FHIT: variants seen among roughly 807,000 people sequenced by gnomAD.
FHIT encodes fragile histidine triad diadenosine triphosphatase.
FHIT carries 19 observed loss-of-function variants against 17.9 expected under a neutral mutation model. The observed-to-expected ratio is 1.06, with a 90% CI of 0.74 to 1.56. FHIT has a LOEUF of 1.56. Ranked by LOEUF, FHIT falls within the 40% of genes most tolerant of loss-of-function variation. The probability of loss-of-function intolerance (pLI) is 0.00; values close to 1 mark genes in which losing one functional copy is unlikely to be tolerated. For missense variants in FHIT, 248 were observed against 189.2 expected, an observed-to-expected ratio of 1.31 and a Z score of -1.82; for synonymous variants, 81 against 69.7, an observed-to-expected ratio of 1.16 and a Z score of -0.81.
chr3:60,638,878 G>T (rs539826653), intron 4 of FHIT, among the ~76,000 whole-genome samples: 31 of 151,558 alleles, frequency 2.0e-4, no homozygotes, highest in African/African-American at 7.3e-4. Context: ...AAAATGGTGT[G>T]TTGGGGGTGG....
intron 3 of FHIT, among the ~76,000 whole-genome samples, chr3:60,928,624 G>C (rs1553770734): frequency 6.6e-6 from 1 of 151,212 alleles, no homozygotes; most frequent in Non-Finnish European, 1.5e-5. Flanking sequence ...AGAAGAAATG[G>C]ATAAATTCCT....
At chr3:60,749,184 G>T (rs1476635738) in intron 4 of FHIT, among the ~76,000 whole-genome samples, 2 of 152,160 alleles carry the variant, frequency 1.3e-5, no homozygotes, top group African/African-American at 4.8e-5. Context: ...CCCCCAGAGA[G>T]GATATTTATG....
chr3:60,762,078 C>A (rs1187933946), intron 4 of FHIT, among the ~76,000 whole-genome samples: 1 of 152,146 alleles, frequency 6.6e-6, no homozygotes, highest in Non-Finnish European at 1.5e-5. Context: ...GGATAGACAC[C>A]TCCATGTGTG....
intron 3 of FHIT, among the ~76,000 whole-genome samples, chr3:60,899,032 T>C (rs1291373216): frequency 6.6e-6 from 1 of 152,242 alleles, no homozygotes; most frequent in Non-Finnish European, 1.5e-5. Context: ...ATGCATTTTT[T>C]TTCCAGAACC....
At chr3:60,983,134 C>T (rs1710562803) in intron 3 of FHIT, among the ~76,000 whole-genome samples, 1 of 117,920 alleles carries the variant, frequency 8.5e-6, no homozygotes, top group East Asian at 2.0e-4. Context: ...TACCTTCTCT[C>T]TTGTGTGTGT....
At chr3:60,603,981 A>G (rs2038527077) in intron 4 of FHIT, among the ~76,000 whole-genome samples, 1 of 152,170 alleles carries the variant, frequency 6.6e-6, no homozygotes, top group Admixed American at 6.6e-5. Context: ...AATAATGGTG[A>G]CGAAGAGACT....
intron 3 of FHIT, among the ~76,000 whole-genome samples, chr3:60,923,639 G>C (rs1245774960): frequency 6.6e-6 from 1 of 152,174 alleles, no homozygotes; most frequent in African/African-American, 2.4e-5. Flanking sequence ...AAGCAATGCA[G>C]AAGACGGGTG....
chr3:60,698,558 A>G (rs2041166869), intron 4 of FHIT, among the ~76,000 whole-genome samples: 1 of 152,218 alleles, frequency 6.6e-6, no homozygotes, highest in South Asian at 2.1e-4. Context: ...GGGGAGCTAA[A>G]TAGAAAAGGT....
chr3:61,156,223 G>A (rs1576119546), intron 2 of FHIT, among the ~76,000 whole-genome samples: 1 of 152,138 alleles, frequency 6.6e-6, no homozygotes, highest in Admixed American at 6.5e-5. Flanking sequence ...AATCATGGCT[G>A]CAAGTACAAC....
intron 4 of FHIT, among the ~76,000 whole-genome samples, chr3:60,813,459 T>C (rs1701633377): frequency 6.6e-6 from 1 of 152,206 alleles, no homozygotes; most frequent in South Asian, 2.1e-4. Flanking sequence ...TAATTAAATA[T>C]GAACTCCATT....
chr3:60,856,091 A>G (rs1321883776), intron 3 of FHIT, among the ~76,000 whole-genome samples: 1 of 152,274 alleles, frequency 6.6e-6, no homozygotes, highest in Non-Finnish European at 1.5e-5. Context: ...CCAACATGTT[A>G]TTTAGCAAAG....
chr3:60,732,619 C>A, intron 4 of FHIT: 1 of 523,298 alleles, frequency 1.9e-6, no homozygotes, highest in South Asian at 1.6e-5. Flanking sequence ...TGTGGAAGTA[C>A]ACGGTGGGGT....
intron 5 of FHIT, among the ~76,000 whole-genome samples, chr3:60,034,198 G>A (rs148059520): frequency 3.3e-5 from 5 of 152,342 alleles, no homozygotes; most frequent in South Asian, 2.1e-4. Flanking sequence ...GAGGGTCAAG[G>A]TGAATGGCTT....
At chr3:60,873,424 G>T (rs1236698477) in intron 3 of FHIT, among the ~76,000 whole-genome samples, 2 of 152,182 alleles carry the variant, frequency 1.3e-5, no homozygotes, top group African/African-American at 4.8e-5. Flanking sequence ...CCGTCCCAGG[G>T]AGCTGTGGAT....
intron 4 of FHIT, among the ~76,000 whole-genome samples, chr3:60,547,826 A>G (rs183121288): frequency 1.1e-4 from 17 of 152,190 alleles, no homozygotes; most frequent in Non-Finnish European, 1.5e-4. Flanking sequence ...TAGATAGGCA[A>G]CCTAACTTGT....
chr3:60,639,492 G>A lies in FHIT; in HGVS notation c.-17-102513C>T, dbSNP rs1437655418. ...CAATTTAGAAGACACTAAGGAGAAA[G>A]GGCCATCGTAAATGCCCCAAAATTT... On this transcript the variant is annotated intron_variant, in intron 4 of 9. Coordinates refer to ENST00000492590, the MANE Select transcript of FHIT (RefSeq NM_002012.4). 3.9e-5 allele frequency among the ~76,000 whole-genome samples: 6 copies of A among 152,080 alleles called. No homozygotes were observed. In the South Asian group the frequency reaches 1.2e-3, roughly 32 times the overall value.
intron 2 of FHIT, among the ~76,000 whole-genome samples, chr3:61,133,090 C>T (rs2036813035): frequency 6.6e-6 from 1 of 152,210 alleles, no homozygotes; most frequent in Non-Finnish European, 1.5e-5. Context: ...TCATCCTTTA[C>T]ATCTCAGATC....
intron 3 of FHIT, among the ~76,000 whole-genome samples, chr3:60,972,384 C>T (rs1450885607): frequency 2.6e-5 from 4 of 152,112 alleles, no homozygotes; most frequent in African/African-American, 9.7e-5. Flanking sequence ...GCACTTTAAC[C>T]ATGGCATCCC....
intron 3 of FHIT, among the ~76,000 whole-genome samples, chr3:60,970,644 T>C (rs1709966547): frequency 6.6e-6 from 1 of 152,148 alleles, no homozygotes; most frequent in Non-Finnish European, 1.5e-5. Flanking sequence ...GAAATGAAAA[T>C]ATGATTTCTT....
Sources: gnomAD v4.1 joint callset for allele counts (sites outside exome capture counted in the v4.1 genomes callset) on GRCh38, gnomAD v4.1.1 for gene constraint, MANE v1.5 for transcripts, NCBI Gene and HGNC (gene_info 2026-07-23, HGNC 2026-07-21) for gene names.